Variants in PCDHGB5 observed in about 807,000 individuals in gnomAD.
The protein encoded by PCDHGB5 is protocadherin gamma-B5.
PCDHGB5 carries 48 observed loss-of-function variants against 62.9 expected under a neutral mutation model. The ratio of observed to expected loss-of-function variants is 0.76; its 90% CI spans 0.61 to 0.97. The LOEUF is 0.97. Among genes scored for constraint, PCDHGB5 ranks in the 50% least tolerant of loss-of-function variants. The pLI, the probability that PCDHGB5 is intolerant of heterozygous loss-of-function variation, is 0.00. For synonymous variants in PCDHGB5, 474 were observed against 511.2 expected, an observed-to-expected ratio of 0.93 and a Z score of 0.98; for missense variants, 1,118 against 1,198.6, an observed-to-expected ratio of 0.93 and a Z score of 0.99.
chr5:141,494,705 G>C, intron 1 of PCDHGB5, 102 bp from the exon 2 acceptor site: 1 of 1,597,990 alleles, frequency 6.3e-7, no homozygotes, highest in Non-Finnish European at 8.6e-7. Flanking sequence ...TTTCTTCTCT[G>C]TGCCCACTCC....
chr5:141,460,289 T>C, intron 1 of PCDHGB5, among the ~76,000 whole-genome samples: 1 of 152,148 alleles, frequency 6.6e-6, no homozygotes, highest in East Asian at 1.9e-4. Context: ...TTTGTATTTC[T>C]TATGTCCTAT....
Position 141,503,999 on chromosome 5 carries a change from C to T in PCDHGB5, c.2457-1394C>T, listed in dbSNP as rs569153055. On this transcript the variant is annotated intron_variant, in intron 2 of 3. Coordinates refer to ENST00000617380, the MANE Select transcript of PCDHGB5 (RefSeq NM_018925.3). Reference sequence around the variant, plus strand: ...AACCCTTCTTCTTACCTTACAGTCACTTAACTGTCTCTGCTGGTCTCTTCC... The same window carrying T: ...AACCCTTCTTCTTACCTTACAGTCATTTAACTGTCTCTGCTGGTCTCTTCC... 2.0e-5 allele frequency among the ~76,000 whole-genome samples: 3 copies of T among 152,286 alleles called. No individual in the cohort carries two copies. The South Asian group carries it at 6.2e-4, about 32-fold the overall frequency.
rs763433178 is a variant in PCDHGB5, at chr5:141,409,635, A to G, written c.2397+9111A>G. On this transcript the variant is annotated intron_variant, in intron 1 of 3. Transcript: ENST00000617380. ...TCCATTGCGCAAGTGAGCGCCTCTG[A>G]CCCGGATTTGGGGCTCAATGGCCAC... 3 of 1,613,784 alleles carry G rather than the reference A, an allele frequency of 1.9e-6. No individual in the cohort carries two copies. The South Asian group carries it at 3.3e-5, about 18-fold the overall frequency.
intron 1 of PCDHGB5, among the ~76,000 whole-genome samples, chr5:141,463,346 C>G (rs963070531): frequency 6.7e-6 from 1 of 150,312 alleles, no homozygotes; most frequent in Non-Finnish European, 1.5e-5. Context: ...TGGTGTTATT[C>G]TTGGATTTCC....
chr5:141,441,179 C>G (rs150511376), intron 1 of PCDHGB5: 13 of 152,210 alleles, frequency 8.5e-5, no homozygotes, highest in South Asian at 2.1e-4. Context: ...ACTTCTAATT[C>G]CACAATGATT....
chr5:141,423,765 G>A (rs775053869), intron 1 of PCDHGB5: 11 of 233,406 alleles, frequency 4.7e-5, no homozygotes, highest in Admixed American at 1.2e-4. Context: ...GGGGGGTGGG[G>A]CGGCATATAT....
In PCDHGB5 at chr5:141,491,272, A is replaced by G. The variant is rs2099710110; in HGVS notation, c.2398-3535A>G. On this transcript the variant is annotated intron_variant, in intron 1 of 3. Transcript: ENST00000617380. The surrounding 1 kb of genome is among the most constrained non-coding windows in gnomAD (Gnocchi z 6.9). The stretch of plus-strand genomic sequence containing the variant: ...GGACCCTGAGGAAATGCCCAAATCC[A>G]GTGACTTCCTCATACACCCTCCTGA... The G allele has an allele frequency of 1.2e-6, 2 of 1,614,084 alleles. No homozygotes were observed. Among genetic ancestry groups the G allele is most frequent in the Non-Finnish European group, 1.7e-6 (2 of 1,179,928 alleles).
chr5:141,496,783 C>T (rs572860852), intron 2 of PCDHGB5, among the ~76,000 whole-genome samples: 1 of 152,162 alleles, frequency 6.6e-6, no homozygotes, highest in East Asian at 1.9e-4. Context: ...GAGCAGGGCC[C>T]TGTGCTAAAC....
Position 141,427,801 on chromosome 5 carries a change from G to T in PCDHGB5, c.2397+27277G>T, listed in dbSNP as rs755067099. On this transcript the variant is annotated intron_variant, in intron 1 of 3. Coordinates refer to ENST00000617380, the MANE Select transcript of PCDHGB5 (RefSeq NM_018925.3). ...GCACTGTCGTCCTACGTGTCCGTGA[G>T]CGCACAGAGCGGGGTGGTGGTCGCG... 6 of 1,510,138 alleles carry T rather than the reference G, an allele frequency of 4.0e-6. No homozygotes were observed. In the African/African-American group the frequency reaches 8.2e-5, roughly 21 times the overall value. 93.5% of individuals were successfully genotyped at this position (1,510,138 alleles called of 1,614,324 possible). A position where few individuals can be genotyped will look rare whatever the true frequency, so the allele number is the denominator to read the frequency against.
In PCDHGB5 at chr5:141,478,301, G is replaced by C. The variant is rs778427815; in HGVS notation, c.2398-16506G>C. ...GAAGCAGTCTAGAGACCTATACCGA[G>C]CCCCGGTGAGCTCACTGTACCGAAC... On this transcript the variant is annotated intron_variant, in intron 1 of 3. Coordinates refer to ENST00000617380, the MANE Select transcript of PCDHGB5 (RefSeq NM_018925.3). 2.5e-6 allele frequency: 4 copies of C among 1,614,074 alleles called. No individual in the cohort carries two copies. In the South Asian group the frequency reaches 4.4e-5, roughly 18 times the overall value.
intron 1 of PCDHGB5, chr5:141,413,287 T>C (rs937508313): frequency 6.2e-7 from 1 of 1,613,950 alleles, no homozygotes. Flanking sequence ...GATCTCCTAC[T>C]CAATTCCTGA....
intron 1 of PCDHGB5, among the ~76,000 whole-genome samples, chr5:141,470,591 G>A (rs1271473509): frequency 1.3e-5 from 2 of 152,132 alleles, no homozygotes; most frequent in African/African-American, 4.8e-5. Flanking sequence ...ATAGGCAGGC[G>A]ACCTGTGCGG....
At chr5:141,405,407 CT>C (rs762612492) in intron 1 of PCDHGB5, 3 of 1,582,042 alleles carry the variant, frequency 1.9e-6, no homozygotes, top group South Asian at 1.1e-5. Context: ...TCTTTCTTTT[CT>C]TTTTTTGTTT....
At chr5:141,410,849 CT>C (rs759346998) in intron 1 of PCDHGB5, 9,989 of 137,410 alleles carry the variant, frequency 0.073, 1 homozygote, top group South Asian at 0.15. Context: ...TTGTCTTTGT[CT>C]TTTTTTTTTT....
intron 1 of PCDHGB5, chr5:141,427,468 C>T: frequency 2.0e-6 from 1 of 509,312 alleles, no homozygotes; most frequent in Middle Eastern, 3.0e-4. Flanking sequence ...ATCGAATCTT[C>T]CGCCAATAAT....
At chr5:141,507,171 C>T (rs183042063) in intron 3 of PCDHGB5, 3 of 152,462 alleles carry the variant, frequency 2.0e-5, no homozygotes, top group South Asian at 2.1e-4. Context: ...AGGCTGTCCT[C>T]TTCCTCGAGC....
rs1460175237 is a variant in PCDHGB5, at chr5:141,485,185, G to A, written c.2398-9622G>A. ...AGCGGGCGGCAGCAATGCTCCGCAAGGTGAGAAGCTGGACAGAAATCTGGC... is the reference window on the plus strand; with the variant it reads ...AGCGGGCGGCAGCAATGCTCCGCAAAGTGAGAAGCTGGACAGAAATCTGGC... On this transcript the variant is annotated intron_variant, in intron 1 of 3. Transcript: ENST00000617380. This position sits in a 1 kb window ranked among gnomAD's most constrained non-coding sequence, Gnocchi z 5.7. 3.1e-6 allele frequency: 5 copies of A among 1,613,528 alleles called. No individual in the cohort carries two copies. Among genetic ancestry groups the A allele is most frequent in the African/African-American group, 2.7e-5 (2 of 75,052 alleles).
chr5:141,436,063 A>G (rs1406994228), intron 1 of PCDHGB5, among the ~76,000 whole-genome samples: 1 of 152,230 alleles, frequency 6.6e-6, no homozygotes, highest in Non-Finnish European at 1.5e-5. Flanking sequence ...ATAGAATTTA[A>G]TAAGTACAGT....
intron 1 of PCDHGB5, among the ~76,000 whole-genome samples, chr5:141,463,641 C>T (rs182957065): frequency 2.0e-5 from 3 of 151,734 alleles, no homozygotes; most frequent in African/African-American, 7.2e-5. Context: ...TTAGTAGAGA[C>T]GGGGTTTCAC....
Sources: allele counts gnomAD v4.1 joint callset (sites outside exome capture counted in the v4.1 genomes callset), GRCh38; gene constraint gnomAD v4.1.1; non-coding constraint Gnocchi (gnomAD v3.1); transcripts MANE v1.5; gene names NCBI Gene and HGNC (gene_info 2026-07-23, HGNC 2026-07-21).